The following RBM27 variants were observed in gnomAD, a reference collection of about 807,000 sequenced individuals.
The protein encoded by RBM27 is RNA-binding protein 27.
RBM27 carries 22 observed loss-of-function variants against 135.3 expected under a neutral mutation model. The ratio of observed to expected loss-of-function variants is 0.16; its 90% confidence interval spans 0.12 to 0.23. The LOEUF (loss-of-function observed/expected upper bound fraction) is 0.23. Among genes scored for constraint, RBM27 ranks in the 10% least tolerant of loss-of-function variants. The pLI is 1.00. For synonymous variants in RBM27, 481 were observed against 442.4 expected (o/e 1.09, Z -1.10); for missense variants, 1,009 against 1,281.0 (o/e 0.79, Z 3.24).
At chr5:146,262,623 T>A (rs926411863) in intron 13 of RBM27, among the ~76,000 whole-genome samples, 5 of 152,232 alleles carry the variant, frequency 3.3e-5, no homozygotes, top group Admixed American at 3.3e-4. Flanking sequence ...TCAACTCCAT[T>A]TATCATCCTG....
At chr5:146,262,390 A>G (rs1354703774) in intron 13 of RBM27, among the ~76,000 whole-genome samples, 3 of 152,180 alleles carry the variant, frequency 2.0e-5, no homozygotes, top group African/African-American at 7.2e-5. Flanking sequence ...AGAAGCTCCA[A>G]GAGAATTGGA....
intron 6 of RBM27, among the ~76,000 whole-genome samples, chr5:146,232,351 C>T (rs993473596): frequency 1.3e-5 from 2 of 152,168 alleles, no homozygotes; most frequent in Admixed American, 6.5e-5. Context: ...CCAAGGCCAA[C>T]GTAATGTTAT....
intron 10 of RBM27, among the ~76,000 whole-genome samples, chr5:146,255,881 A>T: frequency 6.9e-6 from 1 of 144,072 alleles, no homozygotes; most frequent in South Asian, 2.2e-4. Flanking sequence ...TTTGAAATGG[A>T]GTCTGGGTCT....
chr5:146,204,996 C>T (rs1214714334), intron 1 of RBM27, among the ~76,000 whole-genome samples: 1 of 152,172 alleles, frequency 6.6e-6, no homozygotes, highest in Non-Finnish European at 1.5e-5. Context: ...CTCCCGGGTT[C>T]AAGCGATTCT....
intron 12 of RBM27, 33 bp from the exon 13 acceptor site, chr5:146,261,477 T>A (rs1581216459): frequency 6.4e-7 from 1 of 1,567,064 alleles, no homozygotes; most frequent in African/African-American, 1.4e-5. Flanking sequence ...ATTTTCTGTT[T>A]TTGGGAATTT....
chr5:146,234,818 G>C (rs1414146015), intron 7 of RBM27, among the ~76,000 whole-genome samples: 1 of 151,954 alleles, frequency 6.6e-6, no homozygotes, highest in African/African-American at 2.4e-5. Context: ...TGGATCACTT[G>C]AACTCTGGAG....
chr5:146,274,539 G>T (rs1759009892), intron 19 of RBM27, among the ~76,000 whole-genome samples: 1 of 152,164 alleles, frequency 6.6e-6, no homozygotes, highest in African/African-American at 2.4e-5. Flanking sequence ...AAAGTGCTGG[G>T]ATTACAGGCA....
At chr5:146,224,637 A>G (rs1179748011) in intron 3 of RBM27, among the ~76,000 whole-genome samples, 3 of 152,104 alleles carry the variant, frequency 2.0e-5, no homozygotes, top group African/African-American at 4.8e-5. Flanking sequence ...AGCCGAGATC[A>G]TACTGTTGCA....
chr5:146,263,842 C>CT (rs1758498890), intron 14 of RBM27, among the ~76,000 whole-genome samples: 1 of 152,072 alleles, frequency 6.6e-6, no homozygotes, highest in Non-Finnish European at 1.5e-5. Context: ...TGGTGGCTCA[C>CT]ACCTGTAATC....
chr5:146,207,408 G>A (rs911103655), intron 1 of RBM27, among the ~76,000 whole-genome samples: 1 of 151,604 alleles, frequency 6.6e-6, no homozygotes, highest in African/African-American at 2.4e-5. Context: ...TAGAGAGGGG[G>A]TTTCACTTTG....
At chr5:146,257,205 C>T (rs967034266) in intron 10 of RBM27, among the ~76,000 whole-genome samples, 1 of 152,206 alleles carries the variant, frequency 6.6e-6, no homozygotes, top group Non-Finnish European at 1.5e-5. Flanking sequence ...TATACCTACC[C>T]CAGCATTCAG....
intron 19 of RBM27, among the ~76,000 whole-genome samples, chr5:146,276,043 A>G (rs1759078677): frequency 6.6e-6 from 1 of 151,942 alleles, no homozygotes; most frequent in Non-Finnish European, 1.5e-5. Context: ...TTGGGATTAC[A>G]GGCATGAGCC....
chr5:146,237,639 T>C (rs1757228056), intron 8 of RBM27, among the ~76,000 whole-genome samples: 1 of 152,224 alleles, frequency 6.6e-6, no homozygotes, highest in Non-Finnish European at 1.5e-5. Context: ...AAGGCAAGGC[T>C]TTCTGTTTTG....
chr5:146,223,766 A>G (rs964923289), intron 3 of RBM27, among the ~76,000 whole-genome samples: 2 of 152,188 alleles, frequency 1.3e-5, no homozygotes, highest in African/African-American at 2.4e-5. Context: ...AGTCAGAGAA[A>G]TCTTATCTAG....
In RBM27 at chr5:146,229,923, G is replaced by A. The variant is rs2126748560; in HGVS notation, c.589+13G>A. ...AATAGGAATGTTGGTGAGTAGATGA[G>A]TGTCCCCCTAAAAACTCTGTAGTTA... On this transcript the variant is annotated intron_variant, in intron 5 of 20. Transcript: ENST00000265271. 1.9e-6 allele frequency: 3 copies of A among 1,613,482 alleles called. No homozygotes were observed. Among genetic ancestry groups the A allele is most frequent in the African/African-American group, 1.3e-5 (1 of 75,022 alleles).
intron 6 of RBM27, 71 bp downstream of exon 6, chr5:146,230,988 A>T (rs1259320418): frequency 6.8e-6 from 10 of 1,464,646 alleles, no homozygotes; most frequent in Admixed American, 1.9e-5. Flanking sequence ...TATATTGCAT[A>T]TCTTTTAGTT....
intron 6 of RBM27, 134 bp from the exon 7 acceptor site, chr5:146,233,316 C>G: frequency 7.2e-7 from 1 of 1,386,214 alleles, no homozygotes; most frequent in Non-Finnish European, 9.5e-7. Flanking sequence ...AACAGAGTAA[C>G]ACTGAGACTT....
chr5:146,250,870 G>C (rs991193794), intron 8 of RBM27, among the ~76,000 whole-genome samples: 1 of 144,412 alleles, frequency 6.9e-6, no homozygotes, highest in Non-Finnish European at 1.5e-5. Context: ...TCCACCTCCC[G>C]GGTTCAAGCA....
chr5:146,235,194 T>TA (rs1757107153), intron 7 of RBM27, among the ~76,000 whole-genome samples: 1 of 152,138 alleles, frequency 6.6e-6, no homozygotes, highest in Admixed American at 6.6e-5. Flanking sequence ...GAATTATAAT[T>TA]ACGGAAATTG....
Sources: gnomAD v4.1 joint callset for allele counts (sites outside exome capture counted in the v4.1 genomes callset) on GRCh38, gnomAD v4.1.1 for gene constraint, MANE v1.5 for transcripts, NCBI Gene and HGNC (gene_info 2026-07-23, HGNC 2026-07-21) for gene names.